Variants in RNF217 observed in about 807,000 individuals in gnomAD.
The protein encoded by RNF217 is E3 ubiquitin-protein ligase RNF217.
RNF217 carries 31 observed loss-of-function variants against 57.8 expected under a neutral mutation model. The observed-to-expected ratio is 0.54, with a 90% CI of 0.40 to 0.72. RNF217 has a LOEUF of 0.72. Among genes scored for constraint, RNF217 ranks in the 30% least tolerant of loss-of-function variants. The pLI is 0.00. For missense variants in RNF217, 696 were observed against 708.3 expected (o/e 0.98, Z 0.20); for synonymous variants, 313 against 294.0 (o/e 1.06, Z -0.66).
At chr6:125,070,397 T>C (rs1307677196) in intron 3 of RNF217, among the ~76,000 whole-genome samples, 1 of 152,250 alleles carries the variant, frequency 6.6e-6, no homozygotes, top group East Asian at 1.9e-4. Context: ...GATCAAATGA[T>C]AGCTTTACTT....
chr6:125,034,265 T>G lies in RNF217; in HGVS notation c.883-10946T>G, dbSNP rs554425318. On this transcript the variant is annotated intron_variant, in intron 1 of 5. Transcript: ENST00000521654. ...TTTTGGTGTTTTAGACATGAAGTCT[T>G]TGCCCATGCCTATGTCCTGAATGGT... Among the ~76,000 whole-genome samples, 7 of 152,346 alleles carry G rather than the reference T, an allele frequency of 4.6e-5. No homozygotes were observed. The South Asian group carries it at 1.4e-3, about 32-fold the overall frequency.
At chr6:124,963,705 T>C (rs1783406922) in intron 1 of RNF217, among the ~76,000 whole-genome samples, 1 of 152,232 alleles carries the variant, frequency 6.6e-6, no homozygotes, top group South Asian at 2.1e-4. Context: ...TTATACAGGA[T>C]TGCAAGCACA....
rs1226629136 is a variant in RNF217, at chr6:125,085,422, A to G, written c.*2485A>G. On this transcript the variant is annotated 3_prime_UTR_variant, in exon 6 of 6. Coordinates refer to ENST00000521654, the MANE Select transcript of RNF217 (RefSeq NM_001286398.3). ...TTAGGCCTTTCCCTGCTGGTAACTT[A>G]AAATGATTATTTGTGAATTTTTTAC... 6.6e-6 allele frequency: 1 copy of G among 151,850 alleles called. No homozygotes were observed. Among genetic ancestry groups the G allele is most frequent in the Non-Finnish European group, 1.5e-5 (1 of 67,820 alleles). 9.4% of individuals were successfully genotyped at this position (151,850 alleles called of 1,614,324 possible).
intron 1 of RNF217, among the ~76,000 whole-genome samples, chr6:124,998,879 G>A (rs1784856756): frequency 6.6e-6 from 1 of 152,164 alleles, no homozygotes; most frequent in Admixed American, 6.5e-5. Flanking sequence ...AGTGGGCAAG[G>A]AATCTATTCT....
At chr6:124,989,002 T>C (rs1348166183) in intron 1 of RNF217, among the ~76,000 whole-genome samples, 1 of 151,970 alleles carries the variant, frequency 6.6e-6, no homozygotes, top group African/African-American at 2.4e-5. Flanking sequence ...AAAATGCTAA[T>C]AGTCTTAAAC....
intron 2 of RNF217, among the ~76,000 whole-genome samples, chr6:125,051,209 A>G (rs1436088084): frequency 2.0e-5 from 3 of 152,000 alleles, no homozygotes; most frequent in Non-Finnish European, 4.4e-5. Flanking sequence ...AACAAACTAT[A>G]GTAATAATCA....
intron 1 of RNF217, among the ~76,000 whole-genome samples, chr6:125,028,260 G>A (rs186514524): frequency 1.3e-5 from 2 of 151,986 alleles, no homozygotes; most frequent in Admixed American, 1.3e-4. Flanking sequence ...GACAAAATCT[G>A]GGAGTATGTA....
chr6:124,970,164 A>C (rs1286710560), intron 1 of RNF217, among the ~76,000 whole-genome samples: 1 of 152,176 alleles, frequency 6.6e-6, no homozygotes, highest in Non-Finnish European at 1.5e-5. Flanking sequence ...TGTTGTAAGA[A>C]GATACTGAGC....
Position 125,090,530 on chromosome 6 carries a change from T to C in RNF217, c.*7593T>C, listed in dbSNP as rs1042249091. The C allele has an allele frequency of 6.6e-6, 1 of 151,834 alleles. No individual in the cohort carries two copies. Among genetic ancestry groups the C allele is most frequent in the African/African-American group, 2.4e-5 (1 of 41,568 alleles). 9.4% of individuals were successfully genotyped at this position (151,834 alleles called of 1,614,324 possible). ...AGTGTTTATCTGTTATTACTGTATA[T>C]TCAGAAATTACAGTTCTAAGGAATT... On this transcript the variant is annotated 3_prime_UTR_variant, in exon 6 of 6. Transcript: ENST00000521654.
intron 1 of RNF217, among the ~76,000 whole-genome samples, chr6:124,966,519 A>C (rs930261108): frequency 6.6e-6 from 1 of 152,226 alleles, no homozygotes; most frequent in Non-Finnish European, 1.5e-5. Context: ...CTTTTGAAAA[A>C]AATGATGTAT....
At chr6:125,042,278 T>C (rs1786911845) in intron 1 of RNF217, among the ~76,000 whole-genome samples, 2 of 152,124 alleles carry the variant, frequency 1.3e-5, no homozygotes, top group South Asian at 4.1e-4. Context: ...ATGATTCCAA[T>C]TCTGTAGGTC....
chr6:125,058,079 G>C lies in RNF217; in HGVS notation c.1254G>C (p.Arg418Ser). 6.2e-7 allele frequency: 1 copy of C among 1,613,326 alleles called. No homozygotes were observed. Among genetic ancestry groups the C allele is most frequent in the Non-Finnish European group, 8.5e-7 (1 of 1,179,632 alleles). Residue 418 changes from arginine (R) to serine (S), a missense_variant, in exon 3 of 6, where the codon AGG becomes AGC. By Grantham distance (110) the Arg-to-Ser change is moderately radical. This residue lies in a region of RNF217 where 231 missense variants were observed against 321.4 expected (regional missense o/e 0.72). Coordinates refer to ENST00000521654, the MANE Select transcript of RNF217 (RefSeq NM_001286398.3). ...HWASEIEHGQRNAQKCPKCKI... is the reference protein window; with the variant it reads ...HWASEIEHGQSNAQKCPKCKI... ...CCAGCGAAATTGAGCATGGGCAGAGGAATGCCCAGAAGTGTCCAAAGTGCA... is the reference window on the plus strand; with the variant it reads ...CCAGCGAAATTGAGCATGGGCAGAGCAATGCCCAGAAGTGTCCAAAGTGCA...
rs147135002 is a variant in RNF217, at chr6:125,023,678, C to T, written c.883-21533C>T. On this transcript the variant is annotated intron_variant, in intron 1 of 5. Transcript: ENST00000521654. Reference sequence around the variant, plus strand: ...CCAAGATATGGAAACCACCTAAGTGCCCATTGATAGATGAGTGGATAAAGA... The same window carrying T: ...CCAAGATATGGAAACCACCTAAGTGTCCATTGATAGATGAGTGGATAAAGA... Among the ~76,000 whole-genome samples, 16 of 152,148 alleles carry T rather than the reference C, an allele frequency of 1.1e-4. No homozygotes were observed. In the East Asian group the frequency reaches 3.1e-3, roughly 29 times the overall value.
At chr6:125,054,773 C>G (rs925606692) in intron 2 of RNF217, among the ~76,000 whole-genome samples, 3 of 152,106 alleles carry the variant, frequency 2.0e-5, no homozygotes, top group African/African-American at 7.2e-5. Flanking sequence ...ACCTTCGGAC[C>G]TTGTGAAAAT....
intron 2 of RNF217, among the ~76,000 whole-genome samples, chr6:125,048,897 A>C (rs895355069): frequency 2.0e-5 from 3 of 151,974 alleles, no homozygotes; most frequent in Non-Finnish European, 4.4e-5. Context: ...ACATCGTCAA[A>C]CTCATACTAT....
intron 5 of RNF217, among the ~76,000 whole-genome samples, chr6:125,081,860 A>C (rs1788588314): frequency 6.6e-6 from 1 of 152,096 alleles, no homozygotes; most frequent in South Asian, 2.1e-4. Flanking sequence ...CAAGGAAAAG[A>C]AGCTCTGCAC....
At chr6:125,045,764 T>G (rs1230109110) in intron 2 of RNF217, among the ~76,000 whole-genome samples, 1 of 152,124 alleles carries the variant, frequency 6.6e-6, no homozygotes, top group African/African-American at 2.4e-5. Flanking sequence ...TTCTTTATTA[T>G]TATGGACTTG....
intron 1 of RNF217, among the ~76,000 whole-genome samples, chr6:124,976,194 G>A (rs1184071438): frequency 6.6e-6 from 1 of 152,008 alleles, no homozygotes; most frequent in African/African-American, 2.4e-5. Context: ...ACAAATCTAA[G>A]CCTAGTCATT....
In RNF217 at chr6:125,077,971, A is replaced by G. The variant is rs78709984; in HGVS notation, c.1483+1113A>G. 1.7e-3 allele frequency among the ~76,000 whole-genome samples: 254 copies of G among 152,308 alleles called. 1 individual carries two copies. Among genetic ancestry groups the G allele is most frequent in the African/African-American group, 5.7e-3 (237 of 41,570 alleles). Reference sequence around the variant, plus strand: ...GGTAAAAGATAGAACATGTATACGCAAATGCACTTTCACATATGGAAACCA... The same window carrying G: ...GGTAAAAGATAGAACATGTATACGCGAATGCACTTTCACATATGGAAACCA... On this transcript the variant is annotated intron_variant, in intron 4 of 5. Transcript: ENST00000521654.
Sources: gnomAD v4.1 joint callset for allele counts (sites outside exome capture counted in the v4.1 genomes callset) on GRCh38, gnomAD v4.1.1 for gene constraint, gnomAD v4.1.1 regional missense constraint, MANE v1.5 for transcripts, NCBI Gene and HGNC (gene_info 2026-07-23, HGNC 2026-07-21) for gene names.